Variants in CORIN observed in about 807,000 individuals in gnomAD.
CORIN encodes atrial natriuretic peptide-converting enzyme.
A neutral mutation model predicts 125.3 loss-of-function variants in CORIN; 117 were observed. The observed-to-expected ratio is 0.93, with a 90% confidence interval of 0.80 to 1.09. The LOEUF (loss-of-function observed/expected upper bound fraction) is 1.09. Among genes scored for constraint, CORIN ranks in the 50% least tolerant of loss-of-function variants. CORIN has a pLI of 0.00. For missense variants in CORIN, 1,253 were observed against 1,306.7 expected, an observed-to-expected ratio of 0.96 and a Z score of 0.63; for synonymous variants, 450 against 466.4, an observed-to-expected ratio of 0.96 and a Z score of 0.45.
intron 20 of CORIN, among the ~76,000 whole-genome samples, chr4:47,601,305 CT>C (rs1721439363): frequency 6.8e-6 from 1 of 146,452 alleles, no homozygotes; most frequent in Non-Finnish European, 1.5e-5. Context: ...GTCTTTCTGA[CT>C]GAATTCAGCA....
At chr4:47,749,844 C>T (rs1728822228) in intron 4 of CORIN, among the ~76,000 whole-genome samples, 1 of 152,202 alleles carries the variant, frequency 6.6e-6, no homozygotes, top group Admixed American at 6.5e-5. Flanking sequence ...ATCATAGTCA[C>T]AGGCACCTCC....
At chr4:47,657,728 A>AAG (rs376971189) in intron 12 of CORIN, among the ~76,000 whole-genome samples, 9 of 149,998 alleles carry the variant, frequency 6.0e-5, no homozygotes, top group Non-Finnish European at 1.2e-4. Flanking sequence ...AAGCAGGAAC[A>AAG]AGAGAGAGAG....
At chr4:47,606,599 T>C (rs1721652206) in intron 19 of CORIN, among the ~76,000 whole-genome samples, 1 of 152,074 alleles carries the variant, frequency 6.6e-6, no homozygotes, top group Admixed American at 6.6e-5. Context: ...TAGAAGAACA[T>C]GCTTTTCTTA....
chr4:47,685,368 G>T (rs1443113653), intron 6 of CORIN, among the ~76,000 whole-genome samples: 1 of 152,118 alleles, frequency 6.6e-6, no homozygotes, highest in South Asian at 2.1e-4. Context: ...GTGACAGTAT[G>T]GATGAACCCC....
At chr4:47,596,811 C>T (rs745732086) in intron 21 of CORIN, among the ~76,000 whole-genome samples, 47 of 152,220 alleles carry the variant, frequency 3.1e-4, no homozygotes, top group Admixed American at 9.2e-4. Flanking sequence ...GAACATAGGA[C>T]TAATGTTTCC....
chr4:47,627,041 T>C (rs1047681620), intron 16 of CORIN, among the ~76,000 whole-genome samples: 2 of 151,936 alleles, frequency 1.3e-5, no homozygotes, highest in Non-Finnish European at 2.9e-5. Context: ...TGGGGTACAG[T>C]GGTACAATCT....
chr4:47,730,549 C>A lies in CORIN; in HGVS notation c.799+13853G>T, dbSNP rs1397634146. On this transcript the variant is annotated intron_variant, in intron 5 of 21. Transcript: ENST00000273857. ...CACAGACACCCACCCCCAGACCCTG[C>A]GGTGGGGCTGGAGCCCAAAAGCACT... 2.0e-5 allele frequency among the ~76,000 whole-genome samples: 3 copies of A among 151,862 alleles called. No homozygotes were observed. In the East Asian group the frequency reaches 5.8e-4, roughly 30 times the overall value.
chr4:47,750,192 T>C (rs749002234), intron 4 of CORIN, among the ~76,000 whole-genome samples: 11 of 152,098 alleles, frequency 7.2e-5, no homozygotes, highest in Non-Finnish European at 1.5e-4. Context: ...CAAGAGACCA[T>C]ATAAGAGGTT....
chr4:47,812,271 G>A (rs183853879), intron 1 of CORIN, among the ~76,000 whole-genome samples: 1 of 152,256 alleles, frequency 6.6e-6, no homozygotes, highest in East Asian at 1.9e-4. Flanking sequence ...GCTGAGGCAG[G>A]AGGATTATTT....
At chr4:47,762,988 G>A (rs1729537289) in intron 4 of CORIN, among the ~76,000 whole-genome samples, 1 of 152,094 alleles carries the variant, frequency 6.6e-6, no homozygotes, top group Admixed American at 6.6e-5. Flanking sequence ...CTTGGGTGGT[G>A]GAACTGTATC....
At chr4:47,774,172 T>C (rs1730182818) in intron 3 of CORIN, among the ~76,000 whole-genome samples, 1 of 152,180 alleles carries the variant, frequency 6.6e-6, no homozygotes, top group South Asian at 2.1e-4. Context: ...ATAGGTAGTT[T>C]TAAAACTACT....
intron 12 of CORIN, among the ~76,000 whole-genome samples, chr4:47,659,657 C>T (rs1724156158): frequency 6.6e-6 from 1 of 152,080 alleles, no homozygotes. Context: ...AGGAGATGAC[C>T]CAAACCAATC....
chr4:47,662,069 A>C (rs1432549098), intron 11 of CORIN, among the ~76,000 whole-genome samples: 1 of 152,216 alleles, frequency 6.6e-6, no homozygotes, highest in Non-Finnish European at 1.5e-5. Flanking sequence ...CACTTTCACC[A>C]AAAGAAACTT....
chr4:47,777,143 T>C lies in CORIN; in HGVS notation c.409+9582A>G, dbSNP rs535700379. On this transcript the variant is annotated intron_variant, in intron 3 of 21. Transcript: ENST00000273857. ...AGGACTTCTGTCTTATCCATCTTTA[T>C]AGTCCATAGAGCCAAAACCTGGAGT... 5.3e-5 allele frequency among the ~76,000 whole-genome samples: 8 copies of C among 152,332 alleles called. No individual in the cohort carries two copies. The East Asian group carries it at 1.5e-3, about 29-fold the overall frequency.
chr4:47,707,316 T>A (rs1239281292), intron 5 of CORIN, among the ~76,000 whole-genome samples: 2 of 152,202 alleles, frequency 1.3e-5, no homozygotes, highest in African/African-American at 4.8e-5. Context: ...AACTATCCTA[T>A]GAAAATTTTG....
chr4:47,612,230 G>T (rs146987214), intron 19 of CORIN, among the ~76,000 whole-genome samples: 175 of 152,206 alleles, frequency 1.1e-3, no homozygotes, highest in African/African-American at 4.0e-3. Flanking sequence ...ATATGAAGTG[G>T]CTGGGGTAAA....
intron 12 of CORIN, among the ~76,000 whole-genome samples, chr4:47,656,547 TCATTTCAGTTGATG>T (rs1342424139): frequency 6.6e-6 from 1 of 152,130 alleles, no homozygotes; most frequent in African/African-American, 2.4e-5. Flanking sequence ...AATCATATGA[TCATTTCAGTTGATG>T]CATTTGATAA....
rs375659612 is a variant in CORIN at position 47,609,248 on chromosome 4, A to T, written c.2541-5580T>A. 3.5e-3 allele frequency among the ~76,000 whole-genome samples: 533 copies of T among 151,452 alleles called. 2 individuals carry two copies. Among genetic ancestry groups the T allele is most frequent in the Non-Finnish European group, 5.0e-3 (340 of 67,772 alleles). On this transcript the variant is annotated intron_variant, in intron 19 of 21. Transcript: ENST00000273857. ...GGCATTTCATTTTTATTATTTATTT[A>T]TTTTTTTTGAGATGGAGTTTCACTC...
At chr4:47,797,815 A>C (rs1731365991) in intron 2 of CORIN, among the ~76,000 whole-genome samples, 1 of 152,138 alleles carries the variant, frequency 6.6e-6, no homozygotes, top group Non-Finnish European at 1.5e-5. Flanking sequence ...TCTGTGATAC[A>C]AAAAAGAATT....
Sources: gnomAD v4.1 joint callset for allele counts (sites outside exome capture counted in the v4.1 genomes callset) on GRCh38, gnomAD v4.1.1 for gene constraint, MANE v1.5 for transcripts, NCBI Gene and HGNC (gene_info 2026-07-23, HGNC 2026-07-21) for gene names.